The following EDA variants were observed in gnomAD, a reference collection of about 807,000 sequenced individuals.
EDA encodes the protein ectodysplasin-A.
In EDA, 2 loss-of-function variants were observed where a neutral mutation model predicts 23.6. That is an observed-to-expected ratio of 0.08 (90% confidence interval 0.03 to 0.27). The LOEUF (loss-of-function observed/expected upper bound fraction) is 0.27. EDA is among the 10% of genes least tolerant of loss of function. The pLI, the probability that EDA is intolerant of heterozygous loss-of-function variation, is 1.00. For missense variants in EDA, 229 were observed against 324.2 expected (o/e 0.71, Z 2.26); for synonymous variants, 131 against 132.0 (o/e 0.99, Z 0.05).
chrX:69,774,699 T>C (rs915313207), intron 1 of EDA, among the ~76,000 whole-genome samples: 1 of 111,880 alleles, frequency 8.9e-6, no homozygotes, highest in East Asian at 2.8e-4. Flanking sequence ...AAATTTCTGA[T>C]TCTAGAGACT....
chrX:69,714,709 A>G (rs1160346015), intron 1 of EDA, among the ~76,000 whole-genome samples: 1 of 111,401 alleles, frequency 9.0e-6, no homozygotes, highest in African/African-American at 3.3e-5. Flanking sequence ...TTATATGAAC[A>G]TATTTTTGAG....
chrX:69,619,053 C>A (rs1286089389), intron 1 of EDA, among the ~76,000 whole-genome samples: 1 of 112,169 alleles, frequency 8.9e-6, no homozygotes, highest in African/African-American at 3.2e-5. Flanking sequence ...ACTCAGAATT[C>A]TACATTGTGC....
At chrX:69,708,521 G>A (rs755230673) in intron 1 of EDA, among the ~76,000 whole-genome samples, 93 of 111,466 alleles carry the variant, frequency 8.3e-4, no homozygotes, top group Non-Finnish European at 1.4e-3. Context: ...CTATAACAGT[G>A]ATTAGAGGTA....
rs903096456 is a variant in EDA at position 69,731,775 on chromosome X, C to T, written c.396+115071C>T. On this transcript the variant is annotated intron_variant, in intron 1 of 7. Coordinates refer to ENST00000374552, the MANE Select transcript of EDA (RefSeq NM_001399.5). Reference sequence around the variant, plus strand: ...ATAAGCATTTAATACTATAAATGTCCCCTAAGCACTGCTACAGCTGTTGAA... The same window carrying T: ...ATAAGCATTTAATACTATAAATGTCTCCTAAGCACTGCTACAGCTGTTGAA... Among the ~76,000 whole-genome samples the T allele has an allele frequency of 6.3e-5, 7 of 111,484 alleles. No individual in the cohort carries two copies. In the East Asian group the frequency reaches 2.0e-3, roughly 31 times the overall value.
intron 1 of EDA, among the ~76,000 whole-genome samples, chrX:69,871,966 A>G (rs148373732): frequency 0.014 from 1,545 of 111,883 alleles, 18 homozygotes; most frequent in African/African-American, 0.045. Flanking sequence ...TAAAGTCAAG[A>G]CATAGGAAGG....
intron 1 of EDA, among the ~76,000 whole-genome samples, chrX:69,823,524 G>A (rs1219131295): frequency 7.2e-5 from 5 of 69,491 alleles, no homozygotes; most frequent in Non-Finnish European, 5.0e-5. Flanking sequence ...CATATCCTTT[G>A]CCCACTTTTT....
At chrX:70,017,942 C>T (rs187970656) in intron 2 of EDA, among the ~76,000 whole-genome samples, 33 of 111,677 alleles carry the variant, frequency 3.0e-4, no homozygotes, top group African/African-American at 1.0e-3. Context: ...GATTCTATAC[C>T]TAGAAAACCC....
intron 1 of EDA, among the ~76,000 whole-genome samples, chrX:69,887,183 C>G (rs939273517): frequency 3.6e-5 from 4 of 111,264 alleles, no homozygotes; most frequent in African/African-American, 1.3e-4. Flanking sequence ...TGGAGTGTGC[C>G]TTATAGTACC....
At chrX:70,012,521 A>G (rs968440354) in intron 2 of EDA, among the ~76,000 whole-genome samples, 12 of 112,521 alleles carry the variant, frequency 1.1e-4, no homozygotes, top group Admixed American at 5.6e-4. Flanking sequence ...ATGGTGAGCT[A>G]TCTTAGAACA....
At chrX:69,704,974 A>C (rs1285080911) in intron 1 of EDA, among the ~76,000 whole-genome samples, 1 of 110,693 alleles carries the variant, frequency 9.0e-6, no homozygotes, top group African/African-American at 3.3e-5. Flanking sequence ...TAATCCCAGC[A>C]CTTTGGGAGG....
intron 1 of EDA, among the ~76,000 whole-genome samples, chrX:69,834,513 A>T (rs2016713882): frequency 1.1e-5 from 1 of 94,771 alleles, no homozygotes; most frequent in African/African-American, 4.0e-5. Flanking sequence ...TTTATTAGAG[A>T]CTGGGATTGC....
At chrX:69,898,395 G>A (rs912851043) in intron 1 of EDA, among the ~76,000 whole-genome samples, 26 of 109,221 alleles carry the variant, frequency 2.4e-4, no homozygotes, top group Non-Finnish European at 3.4e-4. Flanking sequence ...CTAACATGGT[G>A]AAACCCCATC....
At chrX:69,929,588 C>G (rs1357087146) in intron 1 of EDA, among the ~76,000 whole-genome samples, 1 of 110,209 alleles carries the variant, frequency 9.1e-6, no homozygotes, top group African/African-American at 3.3e-5. Context: ...ACCTTCCACT[C>G]CTACACATAG....
At chrX:69,696,723 A>C (rs1400818827) in intron 1 of EDA, among the ~76,000 whole-genome samples, 1 of 112,169 alleles carries the variant, frequency 8.9e-6, no homozygotes, top group Non-Finnish European at 1.9e-5. Flanking sequence ...TTATATACAA[A>C]CATTTTATGA....
chrX:69,982,023 AG>A (rs1339681428), intron 2 of EDA, among the ~76,000 whole-genome samples: 1 of 111,582 alleles, frequency 9.0e-6, no homozygotes, highest in Non-Finnish European at 1.9e-5. Flanking sequence ...GGGGCGTTTA[AG>A]GACCAGAAAA....
At chrX:69,904,163 A>T (rs2018144325) in intron 1 of EDA, among the ~76,000 whole-genome samples, 1 of 111,759 alleles carries the variant, frequency 8.9e-6, no homozygotes, top group African/African-American at 3.3e-5. Flanking sequence ...AATCAGGGTA[A>T]TTGGAATATC....
intron 1 of EDA, among the ~76,000 whole-genome samples, chrX:69,774,706 G>A (rs1385318108): frequency 9.0e-6 from 1 of 111,598 alleles, no homozygotes; most frequent in Non-Finnish European, 1.9e-5. Flanking sequence ...TGATTCTAGA[G>A]ACTTCCCTGA....
intron 1 of EDA, among the ~76,000 whole-genome samples, chrX:69,729,547 T>G (rs1415521462): frequency 8.9e-6 from 1 of 111,931 alleles, no homozygotes; most frequent in Non-Finnish European, 1.9e-5. Context: ...ATCTCTCTGC[T>G]TTTACTCTTG....
intron 1 of EDA, among the ~76,000 whole-genome samples, chrX:69,786,536 A>G (rs1280169221): frequency 1.8e-5 from 2 of 109,587 alleles, no homozygotes; most frequent in East Asian, 2.9e-4. Context: ...TTCTGCCTTC[A>G]TTTCGTTATG....
Sources: gnomAD v4.1 joint callset for allele counts (sites outside exome capture counted in the v4.1 genomes callset) on GRCh38, gnomAD v4.1.1 for gene constraint, MANE v1.5 for transcripts, NCBI Gene and HGNC (gene_info 2026-07-23, HGNC 2026-07-21) for gene names.